Variants in EVC observed in about 807,000 individuals in gnomAD.
EVC encodes the protein evC complex member EVC.
Under a neutral mutation model 118.9 loss-of-function variants are expected in EVC, and 116 were observed. The ratio of observed to expected loss-of-function variants is 0.98; its 90% confidence interval spans 0.84 to 1.14. EVC has a LOEUF of 1.14. EVC is among the 50% of genes most tolerant of loss of function. The pLI is 0.00. For missense variants in EVC, 1,401 were observed against 1,246.4 expected (o/e 1.12, Z -1.87); for synonymous variants, 619 against 534.7 (o/e 1.16, Z -2.18).
the EVC span, chr4:5,821,470 G>A: frequency 2.4e-6 from 1 of 422,742 alleles, no homozygotes; most frequent in South Asian, 5.3e-5. This position sits in a 1 kb window ranked among gnomAD's most constrained non-coding sequence, Gnocchi z 4.4. Context: ...AGAAGTGGAA[G>A]GGACAGAACA....
At chr4:5,735,364 C>G (rs1176271494) in intron 5 of EVC, among the ~76,000 whole-genome samples, 1 of 152,206 alleles carries the variant, frequency 6.6e-6, no homozygotes, top group East Asian at 1.9e-4. Context: ...GTCCTAGACC[C>G]TAGTCCACCC....
chr4:5,766,330 C>G (rs1560368691), intron 11 of EVC, among the ~76,000 whole-genome samples: 1 of 149,478 alleles, frequency 6.7e-6, no homozygotes, highest in Non-Finnish European at 1.5e-5. Flanking sequence ...TCTGGCTGCC[C>G]TTAACATTTT....
chr4:5,748,355 A>C, intron 8 of EVC, 49 bp downstream of exon 8: 1 of 1,605,070 alleles, frequency 6.2e-7, no homozygotes, highest in Non-Finnish European at 8.5e-7. Flanking sequence ...CAGACTAGAG[A>C]TATGGAATCC....
At chr4:5,814,541 A>T (rs1717383736), downstream of EVC, among the ~76,000 whole-genome samples, 2 of 152,052 alleles carry the variant, frequency 1.3e-5, no homozygotes, top group Non-Finnish European at 2.9e-5. Flanking sequence ...GCCTGGCCTT[A>T]TGGGCGGCGT....
Position 5,801,954 on chromosome 4 carries a change from C to T in EVC, c.2309C>T (p.Thr770Ile). ...GTCCTTCCTTTCTTCCCTCAGAGGA[C>T]ACTGATGGAGGCGGCAGTGGAGAGC... ...RAKDRDDFKR[T>I]LMEAAVESVY... Residue 770 changes from threonine to isoleucine, a missense_variant, in exon 16 of 21, where the codon ACA becomes ATA. Physicochemically the swap from Thr to Ile is moderately conservative, Grantham distance 89. Coordinates refer to ENST00000264956, the MANE Select transcript of EVC (RefSeq NM_153717.3). 1 of 1,613,364 alleles carries T rather than the reference C, an allele frequency of 6.2e-7. No homozygotes were observed.
chr4:5,741,847 A>C lies in EVC; in HGVS notation c.801+33A>C, dbSNP rs777489990. 6 of 1,197,382 alleles carry C rather than the reference A, an allele frequency of 5.0e-6. No homozygotes were observed. The Admixed American group carries it at 7.2e-5, about 14-fold the overall frequency. 74.2% of individuals were successfully genotyped at this position (1,197,382 alleles called of 1,614,324 possible). ...TTCAACCTATGTTTCAAGGTAACTT[A>C]AAAATAGTTTATTATAATATATACA... On this transcript the variant is annotated intron_variant, in intron 6 of 20. Transcript: ENST00000264956.
At chr4:5,757,119 CAT>C (rs1731293377) in intron 11 of EVC, among the ~76,000 whole-genome samples, 1 of 152,296 alleles carries the variant, frequency 6.6e-6, no homozygotes, top group South Asian at 2.1e-4. Context: ...TGGGGACAGT[CAT>C]AATTCTTCTT....
chr4:5,801,892 G>GT, intron 15 of EVC, 58 bp from the exon 16 acceptor site: 1 of 1,590,236 alleles, frequency 6.3e-7, no homozygotes, highest in Non-Finnish European at 8.6e-7. Context: ...TGGATGGGCC[G>GT]TGGGTGGCTC....
At chr4:5,827,363 C>G in the EVC span, among the ~76,000 whole-genome samples, 1,936 of 152,250 alleles carry the variant, frequency 0.013, 19 homozygotes, top group Non-Finnish European at 0.02. Flanking sequence ...TCCACCCCAT[C>G]CCTTGTTTCC....
rs1414006697 is a variant in EVC at position 5,798,014 on chromosome 4, C to T, written c.2098-572C>T. Among the ~76,000 whole-genome samples the T allele has an allele frequency of 6.6e-6, 1 of 152,222 alleles. No individual in the cohort carries two copies. The highest frequency in any genetic ancestry group is 1.5e-5 in the Non-Finnish European group (1 of 68,040). ...TCTGGGAGCAGCTGCTGCTCTTTGA[C>T]CCATGAATGAGGCACAAGCCCACAG... On this transcript the variant is annotated intron_variant, in intron 14 of 20. Coordinates refer to ENST00000264956, the MANE Select transcript of EVC (RefSeq NM_153717.3). This position sits in a 1 kb window ranked among gnomAD's most constrained non-coding sequence, Gnocchi z 4.1.
In EVC at chr4:5,754,056, T is replaced by A; in HGVS notation, c.1464+123T>A. On this transcript the variant is annotated intron_variant, in intron 10 of 20. Coordinates refer to ENST00000264956, the MANE Select transcript of EVC (RefSeq NM_153717.3). The surrounding 1 kb of genome is among the most constrained non-coding windows in gnomAD (Gnocchi z 5.8). ...AGGTTATCTGCCTACTTCCCATGTG[T>A]CAGCCGAGTGACCGAATCTCAGTCC... 7.8e-7 allele frequency: 1 copy of A among 1,285,104 alleles called. No homozygotes were observed. The highest frequency in any genetic ancestry group is 1.1e-6 in the Non-Finnish European group (1 of 900,380). 79.6% of individuals were successfully genotyped at this position (1,285,104 alleles called of 1,614,324 possible).
chr4:5,766,042 C>T (rs577432755), intron 11 of EVC, among the ~76,000 whole-genome samples: 2 of 133,616 alleles, frequency 1.5e-5, no homozygotes, highest in South Asian at 5.5e-4. Context: ...CGGCTTGTAC[C>T]GGTTGTTCCT....
At chr4:5,772,692 G>T (rs1171718948) in intron 11 of EVC, among the ~76,000 whole-genome samples, 1 of 152,032 alleles carries the variant, frequency 6.6e-6, no homozygotes, top group Admixed American at 6.5e-5. Context: ...GGATCCACCT[G>T]TCCAGCCTGG....
chr4:5,786,598 G>T (rs1711645134), intron 12 of EVC, among the ~76,000 whole-genome samples: 1 of 152,178 alleles, frequency 6.6e-6, no homozygotes, highest in South Asian at 2.1e-4. Context: ...TGATAGCCGG[G>T]TGCGGTGGCT....
rs770888314 is a variant in EVC, at chr4:5,731,558, G to T, written c.518G>T (p.Ser173Ile). 1 of 1,614,152 alleles carries T rather than the reference G, an allele frequency of 6.2e-7. No homozygotes were observed. The highest frequency in any genetic ancestry group is 1.1e-5 in the South Asian group (1 of 91,078). ...AGCCAGGGTGAGAAGGACGACTGCA[G>T]CTCCTCATCCAGCGTCCACTCGGCC... ...SLSQGEKDDC[S>I]SSSSVHSATS... The change falls in exon 4 of 21, where the codon AGC (serine) becomes ATC (isoleucine). Residue 173 changes from serine to isoleucine, a missense_variant. Ser to Ile is a moderately radical substitution (Grantham distance 142). Transcript: ENST00000264956. The surrounding 1 kb of genome is among the most constrained non-coding windows in gnomAD (Gnocchi z 5.6).
the EVC span, chr4:5,824,842 T>TGCCC: frequency 2.0e-6 from 2 of 985,400 alleles, no homozygotes; most frequent in Non-Finnish European, 2.4e-6. Context: ...TGTGCGTGCC[T>TGCCC]GCCCTCATGT....
Position 5,767,624 on chromosome 4 carries a change from C to T in EVC, c.1563+11262C>T, listed in dbSNP as rs188407096. Among the ~76,000 whole-genome samples, 765 of 151,984 alleles carry T rather than the reference C, an allele frequency of 5.0e-3. 24 individuals are homozygous for T. Among genetic ancestry groups the T allele is most frequent in the Admixed American group, 0.043 (663 of 15,272 alleles). On this transcript the variant is annotated intron_variant, in intron 11 of 20. Coordinates refer to ENST00000264956, the MANE Select transcript of EVC (RefSeq NM_153717.3). ...CTGGTGAGCCGTTTTTTAAGCCCGT[C>T]GGAAAAGCACAGTATGCGGGTGGGA... is the stretch of plus-strand genomic sequence containing the variant.
intron 17 of EVC, 28 bp downstream of exon 17, chr4:5,804,869 G>C: frequency 6.3e-7 from 1 of 1,577,450 alleles, no homozygotes; most frequent in Non-Finnish European, 8.7e-7. Context: ...GTCCCACGTA[G>C]GGCTGTTCTC....
At chr4:5,733,539 A>G (rs1488063480) in intron 5 of EVC, 104 bp downstream of exon 5, 7 of 1,009,454 alleles carry the variant, frequency 6.9e-6, no homozygotes, top group African/African-American at 6.3e-5. Context: ...GGCAGACATC[A>G]GTGGAAACAG....
Sources: allele counts gnomAD v4.1 joint callset (sites outside exome capture counted in the v4.1 genomes callset), GRCh38; gene constraint gnomAD v4.1.1; non-coding constraint Gnocchi (gnomAD v3.1); transcripts MANE v1.5; gene names NCBI Gene and HGNC (gene_info 2026-07-23, HGNC 2026-07-21).